Variants in SLC44A1 observed in about 807,000 individuals in gnomAD.
SLC44A1 encodes the protein solute carrier family 44 member 1.
Under a neutral mutation model 79.3 loss-of-function variants are expected in SLC44A1, and 26 were observed. The ratio of observed to expected loss-of-function variants is 0.33; its 90% confidence interval spans 0.24 to 0.46. SLC44A1 has a LOEUF of 0.46. Among genes scored for constraint, SLC44A1 ranks in the 20% least tolerant of loss-of-function variants. The pLI, the probability that SLC44A1 is intolerant of heterozygous loss-of-function variation, is 1.00. For synonymous variants in SLC44A1, 263 were observed against 286.2 expected (o/e 0.92, Z 0.82); for missense variants, 688 against 798.1 (o/e 0.86, Z 1.66).
intron 4 of SLC44A1, among the ~76,000 whole-genome samples, chr9:105,344,694 C>G (rs1341078004): frequency 6.6e-6 from 1 of 152,100 alleles, no homozygotes. Context: ...TGGATGACAT[C>G]TATGTATCAG....
chr9:105,375,102 T>G (rs1411793467), intron 13 of SLC44A1, among the ~76,000 whole-genome samples: 1 of 152,188 alleles, frequency 6.6e-6, no homozygotes, highest in Admixed American at 6.5e-5. Flanking sequence ...AATACAATGG[T>G]GCTATCTCAG....
rs1827764783 is a variant in SLC44A1, at chr9:105,361,115, C to T, written c.761-76C>T. The T allele has an allele frequency of 2.8e-6, 4 of 1,431,622 alleles. No homozygotes were observed. In the South Asian group the frequency reaches 4.6e-5, roughly 16 times the overall value. The allele number at this position is 1,431,622 out of a possible 1,614,324, so 88.7% of individuals were successfully genotyped here. On this transcript the variant is annotated intron_variant, in intron 7 of 15. Coordinates refer to ENST00000374720, the MANE Select transcript of SLC44A1 (RefSeq NM_080546.5). ...TCCCATGATGATCTGTAGGAAGGGT[C>T]AAGAAAATTGAGAATTTATGTTACA...
At chr9:105,374,041 A>T (rs1828199993) in intron 12 of SLC44A1, among the ~76,000 whole-genome samples, 1 of 152,356 alleles carries the variant, frequency 6.6e-6, no homozygotes, top group South Asian at 2.1e-4. Flanking sequence ...TTCTCAAAAA[A>T]GATTTAGGGT....
intron 7 of SLC44A1, among the ~76,000 whole-genome samples, chr9:105,360,621 T>C (rs1218569817): frequency 3.3e-5 from 5 of 152,208 alleles, no homozygotes; most frequent in African/African-American, 9.6e-5. Context: ...TTAAAAATGC[T>C]TATCCCTAGC....
intron 13 of SLC44A1, among the ~76,000 whole-genome samples, chr9:105,381,933 G>A (rs913813987): frequency 7.9e-5 from 12 of 152,226 alleles, no homozygotes; most frequent in Non-Finnish European, 1.5e-5. Flanking sequence ...TGCTAGACAA[G>A]AAGAGGCTGC....
rs200151457 is a variant in SLC44A1, at chr9:105,379,224, G to A, written c.1633-3899G>A. ...CCAGAGGCAGAGGCTTCAGTGAGCC[G>A]TGATCACACCGCTGCATTCCAGTCT... On this transcript the variant is annotated intron_variant, in intron 13 of 15. Coordinates refer to ENST00000374720, the MANE Select transcript of SLC44A1 (RefSeq NM_080546.5). Among the ~76,000 whole-genome samples the A allele has an allele frequency of 1.1e-4, 17 of 152,280 alleles. No individual in the cohort carries two copies. In the East Asian group the frequency reaches 2.3e-3, roughly 21 times the overall value.
chr9:105,435,372 A>C (rs1829450647), intron 15 of SLC44A1, among the ~76,000 whole-genome samples: 1 of 152,106 alleles, frequency 6.6e-6, no homozygotes, highest in Non-Finnish European at 1.5e-5. Context: ...CCGAGAAAGG[A>C]GTCAGCAAAG....
At chr9:105,375,199 C>T (rs1052898916) in intron 13 of SLC44A1, among the ~76,000 whole-genome samples, 1 of 152,120 alleles carries the variant, frequency 6.6e-6, no homozygotes, top group African/African-American at 2.4e-5. Flanking sequence ...GCCACCACGC[C>T]CGGCTAATTT....
At chr9:105,408,772 G>A (rs748820150) in intron 15 of SLC44A1, among the ~76,000 whole-genome samples, 1 of 152,148 alleles carries the variant, frequency 6.6e-6, no homozygotes, top group Non-Finnish European at 1.5e-5. Flanking sequence ...AATTATAAAT[G>A]TATCTGAATG....
Position 105,391,569 on chromosome 9 carries a change from A to T in SLC44A1, c.*2513A>T, listed in dbSNP as rs921564743. On this transcript the variant is annotated 3_prime_UTR_variant, in exon 16 of 16. Coordinates refer to ENST00000374720, the MANE Select transcript of SLC44A1 (RefSeq NM_080546.5). Reference sequence around the variant, plus strand: ...TTAATATGTGGAATATCACTCTTTCATGAGCTTTATTCCTTGATTAATTTG... The same window carrying T: ...TTAATATGTGGAATATCACTCTTTCTTGAGCTTTATTCCTTGATTAATTTG... The T allele has an allele frequency of 1.0e-6, 1 of 985,306 alleles. No individual in the cohort carries two copies. The highest frequency in any genetic ancestry group is 4.7e-5 in the South Asian group (1 of 21,286). 61.0% of individuals were successfully genotyped at this position (985,306 alleles called of 1,614,324 possible).
chr9:105,364,497 C>T (rs1033765759), intron 9 of SLC44A1, 58 bp from the exon 10 acceptor site: 8 of 1,488,196 alleles, frequency 5.4e-6, no homozygotes, highest in African/African-American at 4.2e-5. Flanking sequence ...ACTTAACTGC[C>T]GTATTTCTGG....
chr9:105,372,541 C>T (rs1014932649), intron 12 of SLC44A1, among the ~76,000 whole-genome samples: 109 of 151,940 alleles, frequency 7.2e-4, no homozygotes, highest in Non-Finnish European at 1.4e-3. Flanking sequence ...CCACCTGCCT[C>T]GACCTCCCAA....
At chr9:105,317,658 A>T (rs1011323809) in intron 3 of SLC44A1, among the ~76,000 whole-genome samples, 1 of 152,128 alleles carries the variant, frequency 6.6e-6, no homozygotes, top group Non-Finnish European at 1.5e-5. Flanking sequence ...TTGAGTCTAC[A>T]GGTTGGAATT....
intron 3 of SLC44A1, among the ~76,000 whole-genome samples, chr9:105,331,176 A>G (rs896940222): frequency 3.9e-5 from 6 of 152,248 alleles, no homozygotes; most frequent in African/African-American, 1.4e-4. Flanking sequence ...TAACAACGAC[A>G]AACTTGCTCT....
At position 105,390,486 on chromosome 9, in the gene SLC44A1, CT is replaced by C. The variant is rs1828739254; in HGVS notation, c.*1434del. 1 of 746,404 alleles carries C rather than the reference CT, an allele frequency of 1.3e-6. No individual in the cohort carries two copies. The highest frequency in any genetic ancestry group is 1.6e-6 in the Non-Finnish European group (1 of 622,948). The allele number at this position is 746,404 out of a possible 1,614,324, so 46.2% of individuals were successfully genotyped here. ...TTTTATCATTCCATGGAAGGAGAAT[CT>C]TTTGAAAGAAAGCATTGCCTCCTAC... On this transcript the variant is annotated 3_prime_UTR_variant, in exon 16 of 16. Transcript: ENST00000374720.
intron 15 of SLC44A1, among the ~76,000 whole-genome samples, chr9:105,437,464 C>A (rs1025306639): frequency 6.6e-5 from 10 of 151,760 alleles, no homozygotes; most frequent in African/African-American, 2.4e-4. Context: ...ATATTAGGTC[C>A]ATACTCTCTC....
chr9:105,377,943 A>C (rs1828343906), intron 13 of SLC44A1, among the ~76,000 whole-genome samples: 1 of 151,890 alleles, frequency 6.6e-6, no homozygotes, highest in Non-Finnish European at 1.5e-5. Context: ...TGATCAATAC[A>C]TAGAATTTAA....
intron 1 of SLC44A1, among the ~76,000 whole-genome samples, chr9:105,287,673 G>A (rs377115924): frequency 6.8e-6 from 1 of 146,354 alleles, no homozygotes; most frequent in South Asian, 2.1e-4. Context: ...CTTGCAGGTG[G>A]GGAGGTCAGT....
At chr9:105,414,934 T>C (rs1284818552) in intron 15 of SLC44A1, among the ~76,000 whole-genome samples, 1 of 152,196 alleles carries the variant, frequency 6.6e-6, no homozygotes, top group Non-Finnish European at 1.5e-5. Flanking sequence ...TGAATGCTCT[T>C]GATGAGAAAA....
Sources: allele counts gnomAD v4.1 joint callset (sites outside exome capture counted in the v4.1 genomes callset), GRCh38; gene constraint gnomAD v4.1.1; transcripts MANE v1.5; gene names NCBI Gene and HGNC (gene_info 2026-07-23, HGNC 2026-07-21).